DTNA: variants seen among roughly 807,000 people sequenced by gnomAD.
DTNA encodes the protein dystrophin-related protein 3.
A neutral mutation model predicts 100.7 loss-of-function variants in DTNA; 43 were observed. That is an observed-to-expected ratio of 0.43 (90% CI 0.33 to 0.55). The LOEUF is 0.55. Among genes scored for constraint, DTNA ranks in the 20% least tolerant of loss-of-function variants. DTNA has a pLI of 0.04. For missense variants in DTNA, 798 were observed against 953.9 expected, an observed-to-expected ratio of 0.84 and a Z score of 2.15; for synonymous variants, 349 against 347.9, an observed-to-expected ratio of 1.00 and a Z score of -0.04.
intron 1 of DTNA, among the ~76,000 whole-genome samples, chr18:34,733,236 G>A (rs1257279935): frequency 2.0e-5 from 3 of 152,166 alleles, no homozygotes; most frequent in African/African-American, 7.2e-5. Flanking sequence ...GAAGGCTTCT[G>A]GGTCTGCAAA....
chr18:34,671,565 C>G (rs917888434), intron 1 of DTNA, among the ~76,000 whole-genome samples: 1 of 152,190 alleles, frequency 6.6e-6, no homozygotes, highest in Non-Finnish European at 1.5e-5. Flanking sequence ...TGCATGTGCT[C>G]AGTACAAATT....
intron 10 of DTNA, 47 bp downstream of exon 10, chr18:34,827,723 G>A: frequency 6.4e-7 from 1 of 1,568,004 alleles, no homozygotes; most frequent in African/African-American, 1.4e-5. Flanking sequence ...TTGGTAATGA[G>A]CCTTGATTCT....
chr18:34,522,404 T>C (rs1466789518), intron 1 of DTNA, among the ~76,000 whole-genome samples: 1 of 152,130 alleles, frequency 6.6e-6, no homozygotes, highest in Admixed American at 6.5e-5. Flanking sequence ...TATAGAACCG[T>C]ATGAGATAGG....
intron 1 of DTNA, among the ~76,000 whole-genome samples, chr18:34,526,864 C>A (rs185477211): frequency 5.9e-5 from 9 of 152,116 alleles, no homozygotes; most frequent in African/African-American, 2.2e-4. Flanking sequence ...TCATTTAAAG[C>A]TGAAACACAT....
chr18:34,824,606 G>A (rs2095811431), intron 9 of DTNA, among the ~76,000 whole-genome samples: 1 of 151,886 alleles, frequency 6.6e-6, no homozygotes, highest in Non-Finnish European at 1.5e-5. Context: ...AATATATATT[G>A]CATCCAAAGG....
chr18:34,854,237 A>C (rs1341771084), intron 15 of DTNA, among the ~76,000 whole-genome samples: 3 of 152,188 alleles, frequency 2.0e-5, no homozygotes, highest in African/African-American at 7.2e-5. Context: ...AAGAAGCAAA[A>C]TAAGCCAGTT....
chr18:34,707,960 G>A (rs2082323095), upstream of DTNA, among the ~76,000 whole-genome samples: 1 of 152,184 alleles, frequency 6.6e-6, no homozygotes, highest in Non-Finnish European at 1.5e-5. Flanking sequence ...CAACTGATTT[G>A]TTGTGGGGCT....
At chr18:34,788,351 GAATGCTTATTATAC>G (rs958459914) in intron 3 of DTNA, among the ~76,000 whole-genome samples, 1 of 152,068 alleles carries the variant, frequency 6.6e-6, no homozygotes. Flanking sequence ...AATGTATACT[GAATGCTTATTATAC>G]AATGCTTATT....
chr18:34,681,087 T>TCA (rs1238589164), intron 1 of DTNA, among the ~76,000 whole-genome samples: 5 of 152,196 alleles, frequency 3.3e-5, no homozygotes, highest in African/African-American at 4.8e-5. Flanking sequence ...ATCTTCAATT[T>TCA]GATCCACCAT....
At chr18:34,718,073 GC>G (rs1282021029) in intron 1 of DTNA, among the ~76,000 whole-genome samples, 2 of 152,150 alleles carry the variant, frequency 1.3e-5, no homozygotes, top group Admixed American at 1.3e-4. Context: ...TATCTTTTAA[GC>G]CCCCTTGAAA....
At chr18:34,605,683 C>G (rs944608320) in intron 1 of DTNA, among the ~76,000 whole-genome samples, 12 of 150,198 alleles carry the variant, frequency 8.0e-5, no homozygotes, top group African/African-American at 3.0e-4. Context: ...AGTGCTTTTA[C>G]AAGTCTAGGA....
chr18:34,669,740 T>G (rs1458095729), intron 1 of DTNA, among the ~76,000 whole-genome samples: 2 of 152,190 alleles, frequency 1.3e-5, no homozygotes, highest in African/African-American at 4.8e-5. Context: ...TCTTTAAGAA[T>G]GTTGAATATT....
intron 3 of DTNA, among the ~76,000 whole-genome samples, chr18:34,781,664 A>G (rs7237588): frequency 0.14 from 21,632 of 152,108 alleles, 1,629 homozygotes; most frequent in African/African-American, 0.18. Context: ...TCTATGCACT[A>G]GGGAGCTGGG....
At chr18:34,818,028 T>C in intron 7 of DTNA, 136 bp from the exon 8 acceptor site, 1 of 1,562,090 alleles carries the variant, frequency 6.4e-7, no homozygotes, top group Non-Finnish European at 8.6e-7. Flanking sequence ...ACTAAATGTT[T>C]CTCTGAGCCC....
chr18:34,514,060 G>A (rs912576599), intron 1 of DTNA: 1 of 152,092 alleles, frequency 6.6e-6, no homozygotes, highest in African/African-American at 2.4e-5. Flanking sequence ...GGTTCTAGTG[G>A]TCAGAATTCA....
chr18:34,530,554 A>T (rs1161068189), intron 1 of DTNA, among the ~76,000 whole-genome samples: 1 of 152,072 alleles, frequency 6.6e-6, no homozygotes. Context: ...TTTCTATCAT[A>T]TTATACATGG....
At chr18:34,770,490 CTTTG>C (rs941033873) in intron 3 of DTNA, among the ~76,000 whole-genome samples, 3 of 152,134 alleles carry the variant, frequency 2.0e-5, no homozygotes, top group African/African-American at 7.2e-5. Context: ...CCCTTGCCTA[CTTTG>C]TTTATGATTT....
chr18:34,724,714 C>T (rs1247568189), intron 1 of DTNA, among the ~76,000 whole-genome samples: 3 of 152,176 alleles, frequency 2.0e-5, no homozygotes, highest in Non-Finnish European at 4.4e-5. Flanking sequence ...TATCCCTAAA[C>T]ACTTCCCACT....
chr18:34,740,308 C>T lies in DTNA; in HGVS notation c.-1-15668C>T, dbSNP rs576961456. 6.6e-5 allele frequency among the ~76,000 whole-genome samples: 10 copies of T among 152,206 alleles called. No individual in the cohort carries two copies. In the South Asian group the frequency reaches 8.3e-4, roughly 13 times the overall value. Reference sequence around the variant, plus strand: ...GGCTGCTTGTCTGTGTGCCCAGAACCATCAGGAAATGGCTTGAGTACCCCC... The same window carrying T: ...GGCTGCTTGTCTGTGTGCCCAGAACTATCAGGAAATGGCTTGAGTACCCCC... On this transcript the variant is annotated intron_variant, in intron 1 of 22. Transcript: ENST00000444659.
Sources: allele counts gnomAD v4.1 joint callset (sites outside exome capture counted in the v4.1 genomes callset), GRCh38; gene constraint gnomAD v4.1.1; transcripts MANE v1.5; gene names NCBI Gene and HGNC (gene_info 2026-07-23, HGNC 2026-07-21).